The following KCND2 variants were observed in gnomAD, a reference collection of about 807,000 sequenced individuals.
The protein encoded by KCND2 is A-type voltage-gated potassium channel KCND2.
KCND2 carries 16 observed loss-of-function variants against 54.4 expected under a neutral mutation model. The observed-to-expected ratio is 0.29, with a 90% confidence interval of 0.20 to 0.45. The LOEUF (loss-of-function observed/expected upper bound fraction) is 0.45. KCND2 is among the 20% of genes least tolerant of loss of function. The pLI, the probability that KCND2 is intolerant of heterozygous loss-of-function variation, is 1.00. For synonymous variants in KCND2, 317 were observed against 310.7 expected, an observed-to-expected ratio of 1.02 and a Z score of -0.21; for missense variants, 486 against 824.2, an observed-to-expected ratio of 0.59 and a Z score of 5.02.
chr7:120,657,697 A>T (rs1365595011), intron 1 of KCND2, among the ~76,000 whole-genome samples: 1 of 152,142 alleles, frequency 6.6e-6, no homozygotes, highest in African/African-American at 2.4e-5. Context: ...ACCAAAAAAA[A>T]GTTAAAAATT....
rs143164659 is a variant in KCND2 at position 120,278,973 on chromosome 7, C to T, written c.1115+3226C>T. Among the ~76,000 whole-genome samples, 1,161 of 151,894 alleles carry T rather than the reference C, an allele frequency of 7.6e-3. 5 individuals carry two copies. The highest frequency in any genetic ancestry group is 0.011 in the Non-Finnish European group (768 of 67,788). On this transcript the variant is annotated intron_variant, in intron 1 of 5. Transcript: ENST00000331113. ...GGTCCCTGAATCACCCTTTTATCCA[C>T]CCGGCTCCCCTTTCCATAATGTAAA...
In KCND2 at chr7:120,608,482, G is replaced by A. The variant is rs115733429; in HGVS notation, c.1116-124421G>A. ...TCCTTGGTTATGGCACCTTCTTCCA[G>A]TTTCTTCAGCCTAAATTATAGCATC... On this transcript the variant is annotated intron_variant, in intron 1 of 5. Coordinates refer to ENST00000331113, the MANE Select transcript of KCND2 (RefSeq NM_012281.3). 6.6e-3 allele frequency among the ~76,000 whole-genome samples: 1,002 copies of A among 152,198 alleles called. 11 individuals are homozygous for A. Among genetic ancestry groups the A allele is most frequent in the African/African-American group, 0.022 (932 of 41,540 alleles).
chr7:120,505,593 G>A (rs902181040), intron 1 of KCND2, among the ~76,000 whole-genome samples: 7 of 151,742 alleles, frequency 4.6e-5, no homozygotes, highest in Non-Finnish European at 1.5e-5. Flanking sequence ...CTAAGTTTCA[G>A]GGGTCTTTTA....
intron 1 of KCND2, among the ~76,000 whole-genome samples, chr7:120,553,523 C>G (rs773635389): frequency 6.6e-6 from 1 of 152,098 alleles, no homozygotes; most frequent in Admixed American, 6.5e-5. Context: ...CTTGTTAGGT[C>G]CCTTGACTTT....
intron 1 of KCND2, among the ~76,000 whole-genome samples, chr7:120,382,397 C>A (rs1253233466): frequency 1.3e-5 from 2 of 151,834 alleles, no homozygotes; most frequent in Non-Finnish European, 1.5e-5. Flanking sequence ...GAAAAACATT[C>A]TATTCATTAT....
intron 1 of KCND2, among the ~76,000 whole-genome samples, chr7:120,573,742 A>T (rs1792394048): frequency 6.6e-6 from 1 of 152,120 alleles, no homozygotes; most frequent in Admixed American, 6.6e-5. Context: ...AGAAAAAGAG[A>T]CATTTGCATA....
intron 1 of KCND2, among the ~76,000 whole-genome samples, chr7:120,360,843 G>C (rs1253904352): frequency 1.3e-5 from 2 of 151,998 alleles, no homozygotes; most frequent in East Asian, 3.9e-4. Flanking sequence ...AATGGAAATA[G>C]ACTTTTACTT....
chr7:120,362,735 A>T (rs1800609538), intron 1 of KCND2, among the ~76,000 whole-genome samples: 1 of 152,112 alleles, frequency 6.6e-6, no homozygotes, highest in Non-Finnish European at 1.5e-5. Context: ...GATTCTTAAA[A>T]GTCTGTAATT....
chr7:120,305,942 G>A (rs1368384048), intron 1 of KCND2, among the ~76,000 whole-genome samples: 1 of 152,090 alleles, frequency 6.6e-6, no homozygotes, highest in Non-Finnish European at 1.5e-5. Flanking sequence ...TTCACCTTTG[G>A]CAAGTTTCCT....
chr7:120,307,505 A>G (rs1358423758), intron 1 of KCND2, among the ~76,000 whole-genome samples: 9 of 152,110 alleles, frequency 5.9e-5, no homozygotes, highest in Non-Finnish European at 1.5e-5. Flanking sequence ...AGCAAGCAAG[A>G]TGCCTTTCTC....
intron 1 of KCND2, among the ~76,000 whole-genome samples, chr7:120,311,732 T>A (rs2116315062): frequency 6.6e-6 from 1 of 152,170 alleles, no homozygotes; most frequent in African/African-American, 2.4e-5. Context: ...CCCTCTACCC[T>A]CCAAAAGGCC....
rs115411762 is a variant in KCND2 at position 120,304,566 on chromosome 7, A to C, written c.1115+28819A>C. Among the ~76,000 whole-genome samples the C allele has an allele frequency of 7.9e-3, 1,196 of 152,306 alleles. 12 individuals carry two copies. The highest frequency in any genetic ancestry group is 0.027 in the African/African-American group (1,115 of 41,582). On this transcript the variant is annotated intron_variant, in intron 1 of 5. Transcript: ENST00000331113. The stretch of plus-strand genomic sequence containing the variant: ...GCATCAAAAATGGTGGGTGGGGCTC[A>C]TCAATCTTCGTTTTAACGTGTACTC...
intron 1 of KCND2, among the ~76,000 whole-genome samples, chr7:120,352,378 A>G (rs1209576492): frequency 6.6e-6 from 1 of 151,970 alleles, no homozygotes; most frequent in Non-Finnish European, 1.5e-5. Flanking sequence ...ATATACATAC[A>G]TATATATGAA....
intron 1 of KCND2, among the ~76,000 whole-genome samples, chr7:120,634,716 C>G (rs1793282647): frequency 6.6e-6 from 1 of 152,178 alleles, no homozygotes; most frequent in African/African-American, 2.4e-5. Context: ...TTTAAAATTA[C>G]AAAAGTAACC....
At chr7:120,606,618 G>T (rs1792885506) in intron 1 of KCND2, among the ~76,000 whole-genome samples, 1 of 152,016 alleles carries the variant, frequency 6.6e-6, no homozygotes, top group Non-Finnish European at 1.5e-5. Flanking sequence ...TCATTGAAAA[G>T]ATTGTTCTTT....
intron 1 of KCND2, among the ~76,000 whole-genome samples, chr7:120,621,276 CAAAAAAAA>C (rs1175736454): frequency 4.2e-5 from 2 of 47,192 alleles, no homozygotes; most frequent in African/African-American, 1.4e-4. Context: ...GACTCCGTCT[CAAAAAAAA>C]AAAAAAAAAA....
At chr7:120,560,677 C>T (rs1792222148) in intron 1 of KCND2, among the ~76,000 whole-genome samples, 1 of 152,162 alleles carries the variant, frequency 6.6e-6, no homozygotes, top group Admixed American at 6.6e-5. Context: ...ACCGGCCTGT[C>T]TCATCGAATG....
intron 1 of KCND2, among the ~76,000 whole-genome samples, chr7:120,646,394 A>G (rs1369524013): frequency 6.6e-6 from 1 of 152,198 alleles, no homozygotes; most frequent in Admixed American, 6.5e-5. Flanking sequence ...GCCCTAAGAC[A>G]TCTTTTTAAA....
intron 1 of KCND2, among the ~76,000 whole-genome samples, chr7:120,331,910 T>G (rs1800074536): frequency 6.6e-6 from 1 of 152,090 alleles, no homozygotes; most frequent in African/African-American, 2.4e-5. Context: ...CTCCCCACTC[T>G]CCTTTTCTGT....
Sources: gnomAD v4.1 joint callset for allele counts (sites outside exome capture counted in the v4.1 genomes callset) on GRCh38, gnomAD v4.1.1 for gene constraint, MANE v1.5 for transcripts, NCBI Gene and HGNC (gene_info 2026-07-23, HGNC 2026-07-21) for gene names.